Variants in ATP10B observed in about 807,000 individuals in gnomAD.
ATP10B encodes the protein phospholipid-transporting ATPase VB.
Under a neutral mutation model 141.2 loss-of-function variants are expected in ATP10B, and 122 were observed. That is an observed-to-expected ratio of 0.86 (90% CI 0.75 to 1.00). The LOEUF is 1.00. Ranked by LOEUF, ATP10B falls within the 50% of genes least tolerant of loss-of-function variation. The probability of loss-of-function intolerance (pLI) is 0.00; values close to 1 mark genes in which losing one functional copy is unlikely to be tolerated. For missense variants in ATP10B, 1,876 were observed against 1,825.3 expected, an observed-to-expected ratio of 1.03 and a Z score of -0.51; for synonymous variants, 685 against 692.0, an observed-to-expected ratio of 0.99 and a Z score of 0.16.
intron 3 of ATP10B, among the ~76,000 whole-genome samples, chr5:160,696,321 C>A (rs1764362980): frequency 6.6e-6 from 1 of 151,962 alleles, no homozygotes; most frequent in Non-Finnish European, 1.5e-5. Flanking sequence ...TTTGGCCAGG[C>A]TGGTCTTGAA....
At chr5:160,574,708 T>C (rs1755081363) in intron 24 of ATP10B, among the ~76,000 whole-genome samples, 1 of 152,116 alleles carries the variant, frequency 6.6e-6, no homozygotes, top group Admixed American at 6.5e-5. Flanking sequence ...AAGAGGATGA[T>C]GGAAGCATCC....
At chr5:160,685,870 G>C (rs2127744443) in intron 6 of ATP10B, among the ~76,000 whole-genome samples, 1 of 152,252 alleles carries the variant, frequency 6.6e-6, no homozygotes, top group Admixed American at 6.5e-5. Context: ...CTAGATGTCA[G>C]TAGTACCCCC....
intron 1 of ATP10B, among the ~76,000 whole-genome samples, chr5:160,844,209 TAC>T (rs753005394): frequency 6.6e-6 from 1 of 151,770 alleles, no homozygotes; most frequent in Non-Finnish European, 1.5e-5. Context: ...TATATATATA[TAC>T]ACACACACAC....
In ATP10B at chr5:160,818,461, CA is replaced by C. The variant is rs1159761248; in HGVS notation, c.-575-32659del. ...AGAACCACAATGAGATACCATCTCA[CA>C]CCAGTTAGAATGGCGATCATTAAAA... On this transcript the variant is annotated intron_variant, in intron 1 of 25. Transcript: ENST00000327245. 4.6e-5 allele frequency among the ~76,000 whole-genome samples: 7 copies of C among 152,326 alleles called. No individual in the cohort carries two copies. In the East Asian group the frequency reaches 1.2e-3, roughly 25 times the overall value.
At chr5:160,570,701 T>G (rs1754824035) in intron 24 of ATP10B, among the ~76,000 whole-genome samples, 1 of 152,230 alleles carries the variant, frequency 6.6e-6, no homozygotes, top group African/African-American at 2.4e-5. Flanking sequence ...ACTCACATGT[T>G]TATCACTTCT....
intron 1 of ATP10B, among the ~76,000 whole-genome samples, chr5:160,820,849 T>C (rs1395582353): frequency 1.3e-5 from 2 of 152,096 alleles, no homozygotes; most frequent in African/African-American, 2.4e-5. Context: ...CATCCCTTTA[T>C]GATAAAAACC....
chr5:160,596,872 C>A (rs1641885297), intron 22 of ATP10B, among the ~76,000 whole-genome samples: 1 of 152,098 alleles, frequency 6.6e-6, no homozygotes, highest in African/African-American at 2.4e-5. Context: ...AACTACAAAC[C>A]ACTGCTCAAT....
intron 1 of ATP10B, among the ~76,000 whole-genome samples, chr5:160,849,184 T>C (rs1372364445): frequency 6.6e-6 from 1 of 152,170 alleles, no homozygotes; most frequent in Non-Finnish European, 1.5e-5. Flanking sequence ...TGTGTGAAGA[T>C]TTCACCATCA....
At chr5:160,769,645 G>A (rs998273805) in intron 2 of ATP10B, among the ~76,000 whole-genome samples, 1 of 152,208 alleles carries the variant, frequency 6.6e-6, no homozygotes, top group Non-Finnish European at 1.5e-5. Context: ...TTTAATTCTA[G>A]TTGTAGCAGC....
intron 1 of ATP10B, among the ~76,000 whole-genome samples, chr5:160,828,028 T>C (rs1774763529): frequency 6.6e-6 from 1 of 152,126 alleles, no homozygotes; most frequent in Admixed American, 6.6e-5. Context: ...TGAAACTGGA[T>C]CCCTTCCTTA....
upstream of ATP10B, among the ~76,000 whole-genome samples, chr5:160,853,586 A>G (rs1420338863): frequency 1.3e-5 from 2 of 152,172 alleles, no homozygotes; most frequent in Non-Finnish European, 2.9e-5. Flanking sequence ...AGAGAGGCAC[A>G]TGCAATTTAG....
chr5:160,794,845 T>A (rs1197899191), intron 1 of ATP10B, among the ~76,000 whole-genome samples: 1 of 152,204 alleles, frequency 6.6e-6, no homozygotes, highest in Non-Finnish European at 1.5e-5. Context: ...AGCACAATGT[T>A]TATTTCATTA....
intron 1 of ATP10B, among the ~76,000 whole-genome samples, chr5:160,828,819 A>G (rs1156466351): frequency 6.6e-6 from 1 of 151,426 alleles, no homozygotes; most frequent in Admixed American, 6.6e-5. Context: ...AATGCCCAAC[A>G]ATGATAGACT....
chr5:160,670,089 G>C (rs1008144559), intron 7 of ATP10B, among the ~76,000 whole-genome samples: 1 of 152,080 alleles, frequency 6.6e-6, no homozygotes, highest in Non-Finnish European at 1.5e-5. Context: ...GGACTGAGCT[G>C]GGCAGAGTGA....
At chr5:160,927,853 T>C in the ATP10B span, among the ~76,000 whole-genome samples, 2 of 152,120 alleles carry the variant, frequency 1.3e-5, no homozygotes, top group Non-Finnish European at 2.9e-5. Flanking sequence ...GGGAGAGGAA[T>C]TGGGGGCAGT....
intron 24 of ATP10B, among the ~76,000 whole-genome samples, chr5:160,574,303 G>A (rs923087356): frequency 2.0e-5 from 3 of 152,096 alleles, no homozygotes; most frequent in African/African-American, 7.2e-5. Flanking sequence ...GCTTGGTGGT[G>A]TGTGTGTATA....
chr5:160,747,315 C>T (rs1454550233), intron 2 of ATP10B, among the ~76,000 whole-genome samples: 1 of 152,160 alleles, frequency 6.6e-6, no homozygotes, highest in Non-Finnish European at 1.5e-5. Flanking sequence ...GGGCCTTCTA[C>T]AGTGATGTAC....
chr5:160,662,314 C>A (rs557505561), intron 7 of ATP10B, among the ~76,000 whole-genome samples: 10 of 150,866 alleles, frequency 6.6e-5, no homozygotes, highest in South Asian at 2.1e-4. Flanking sequence ...TCATATGGAA[C>A]CAAAAAAGAG....
chr5:160,648,881 T>G (rs928915712), intron 8 of ATP10B, among the ~76,000 whole-genome samples: 12 of 150,920 alleles, frequency 8.0e-5, no homozygotes, highest in Non-Finnish European at 1.8e-4. Context: ...ATATTCACCT[T>G]CCTGAATCAG....
Sources: gnomAD v4.1 joint callset for allele counts (sites outside exome capture counted in the v4.1 genomes callset) on GRCh38, gnomAD v4.1.1 for gene constraint, MANE v1.5 for transcripts, NCBI Gene and HGNC (gene_info 2026-07-23, HGNC 2026-07-21) for gene names.